PHC2: variants seen among roughly 807,000 people sequenced by gnomAD.
PHC2 encodes polyhomeotic-like protein 2.
Under a neutral mutation model 87.4 loss-of-function variants are expected in PHC2, and 29 were observed. The observed-to-expected ratio is 0.33, with a 90% CI of 0.25 to 0.45. The LOEUF is 0.45. Among genes scored for constraint, PHC2 ranks in the 20% least tolerant of loss-of-function variants. PHC2 has a pLI of 1.00. For synonymous variants in PHC2, 438 were observed against 461.7 expected (o/e 0.95, Z 0.66); for missense variants, 857 against 1,136.7 (o/e 0.75, Z 3.54).
At chr1:33,395,864 C>T (rs1649272061) in intron 1 of PHC2, among the ~76,000 whole-genome samples, 1 of 152,150 alleles carries the variant, frequency 6.6e-6, no homozygotes, top group African/African-American at 2.4e-5. Context: ...CACACCTCTC[C>T]CCTCTCCTCC....
intron 9 of PHC2, among the ~76,000 whole-genome samples, chr1:33,344,847 G>A (rs1646816785): frequency 1.3e-5 from 2 of 151,962 alleles, no homozygotes; most frequent in Non-Finnish European, 2.9e-5. Flanking sequence ...GCGCTCAAGT[G>A]ATCCTCCTGC....
At chr1:33,400,301 C>T (rs911903068) in intron 1 of PHC2, among the ~76,000 whole-genome samples, 4 of 152,134 alleles carry the variant, frequency 2.6e-5, no homozygotes, top group African/African-American at 9.7e-5. Flanking sequence ...GATACACATC[C>T]CCCAAGTTAT....
chr1:33,365,008 G>A (rs1016485356), intron 7 of PHC2, among the ~76,000 whole-genome samples: 5 of 152,216 alleles, frequency 3.3e-5, no homozygotes, highest in Non-Finnish European at 7.3e-5. Context: ...AAAGGCTGAG[G>A]AGGCCCCAGA....
At chr1:33,423,112 T>G (rs72660106) in intron 1 of PHC2, among the ~76,000 whole-genome samples, 15,195 of 152,106 alleles carry the variant, frequency 0.1, 1,048 homozygotes, top group East Asian at 0.28. Context: ...AACCCCAGCA[T>G]TATGGCTCTA....
Position 33,368,770 on chromosome 1 carries a change from G to T in PHC2, c.577-148C>A. The T allele has an allele frequency of 1.5e-6, 1 of 677,556 alleles. No individual in the cohort carries two copies. Among genetic ancestry groups the T allele is most frequent in the South Asian group, 1.7e-5 (1 of 60,096 alleles). 42.0% of individuals were successfully genotyped at this position (677,556 alleles called of 1,614,324 possible). ...GACACAACTGTTTAGCCCAGGAGCG[G>T]CTATGAGGAAGGGCAGGACAGTAGA... On this transcript the variant is annotated intron_variant, in intron 5 of 14. Transcript: ENST00000683057. This position sits in a 1 kb window ranked among gnomAD's most constrained non-coding sequence, Gnocchi z 6.6.
At chr1:33,390,001 G>A (rs1648969124) in intron 1 of PHC2, among the ~76,000 whole-genome samples, 1 of 152,074 alleles carries the variant, frequency 6.6e-6, no homozygotes, top group Non-Finnish European at 1.5e-5. Context: ...GCAGAACTAG[G>A]ACTACAGAGT....
intron 1 of PHC2, among the ~76,000 whole-genome samples, chr1:33,430,161 G>T (rs528276503): frequency 1.3e-5 from 2 of 152,284 alleles, no homozygotes; most frequent in East Asian, 3.9e-4. Context: ...CGCCTTATAA[G>T]AAATTTGTTA....
At chr1:33,397,359 T>C (rs1193483897) in intron 1 of PHC2, among the ~76,000 whole-genome samples, 3 of 152,182 alleles carry the variant, frequency 2.0e-5, no homozygotes, top group African/African-American at 7.2e-5. Flanking sequence ...AAATGCAGAA[T>C]CTTGGGCCCC....
At chr1:33,346,505 T>A (rs1570466575) in intron 9 of PHC2, 2 of 985,366 alleles carry the variant, frequency 2.0e-6, no homozygotes, top group Non-Finnish European at 2.4e-6. Context: ...TGGAACTAAA[T>A]CTGTCTGGAG....
Position 33,368,710 on chromosome 1 carries a change from C to G in PHC2, c.577-88G>C, listed in dbSNP as rs544571784. 52 of 916,830 alleles carry G rather than the reference C, an allele frequency of 5.7e-5. No homozygotes were observed. The South Asian group carries it at 7.1e-4, about 13-fold the overall frequency. 56.8% of individuals were successfully genotyped at this position (916,830 alleles called of 1,614,324 possible). A position where few individuals can be genotyped will look rare whatever the true frequency, so the allele number is the denominator to read the frequency against. The stretch of plus-strand genomic sequence containing the variant: ...GGGCCTGGAATCACAGGAAACGAGG[C>G]GCCTTTTACCTGCTCGATGTGGACT... On this transcript the variant is annotated intron_variant, in intron 5 of 14. Coordinates refer to ENST00000683057, the MANE Select transcript of PHC2 (RefSeq NM_001385109.1). The surrounding 1 kb of genome is among the most constrained non-coding windows in gnomAD (Gnocchi z 6.6).
Position 33,334,243 on chromosome 1 carries a change from G to T in PHC2, c.1608C>A (p.Gly536=), listed in dbSNP as rs757395991. Residue 536 remains glycine, a synonymous_variant, in exon 10 of 15, where the codon GGC becomes GGA. Transcript: ENST00000683057. The surrounding 1 kb of genome is among the most constrained non-coding windows in gnomAD (Gnocchi z 5.5). The part of the protein sequence containing the change: ...VHALTDLSSP[G]MTSGNGNSAS... Reference sequence around the variant, plus strand: ...CAGAGTTTCCGTTCCCTGAGGTCATGCCGGGGCTGCTGAGGTCGGTCAGTG... The same window carrying T: ...CAGAGTTTCCGTTCCCTGAGGTCATTCCGGGGCTGCTGAGGTCGGTCAGTG... 1 of 1,612,204 alleles carries T rather than the reference G, an allele frequency of 6.2e-7. No individual in the cohort carries two copies. The highest frequency in any genetic ancestry group is 2.2e-5 in the East Asian group (1 of 44,868).
In PHC2 at chr1:33,368,522, C is replaced by T. The variant is rs1476021379; in HGVS notation, c.663+14G>A. 1 of 1,428,098 alleles carries T rather than the reference C, an allele frequency of 7.0e-7. No homozygotes were observed. The highest frequency in any genetic ancestry group is 9.6e-7 in the Non-Finnish European group (1 of 1,045,524). 88.5% of individuals were successfully genotyped at this position (1,428,098 alleles called of 1,614,324 possible). On this transcript the variant is annotated intron_variant, in intron 6 of 14. Coordinates refer to ENST00000683057, the MANE Select transcript of PHC2 (RefSeq NM_001385109.1). The surrounding 1 kb of genome is among the most constrained non-coding windows in gnomAD (Gnocchi z 6.6). ...GCCCACCCCCCTGCCCTCCCACAAG[C>T]ATGGAGTCCTCACCTGGGCGGGGGT...
chr1:33,424,553 C>A (rs982489017), intron 1 of PHC2, among the ~76,000 whole-genome samples: 1 of 152,196 alleles, frequency 6.6e-6, no homozygotes. Context: ...ACAAGTTAAT[C>A]ATTCTAATAG....
chr1:33,429,412 CT>C (rs1650810383), intron 1 of PHC2, among the ~76,000 whole-genome samples: 1 of 152,222 alleles, frequency 6.6e-6, no homozygotes, highest in Non-Finnish European at 1.5e-5. Flanking sequence ...ATAACATATT[CT>C]TTATGTGGCT....
chr1:33,339,823 G>C (rs531885249), intron 9 of PHC2, among the ~76,000 whole-genome samples: 1 of 152,320 alleles, frequency 6.6e-6, no homozygotes, highest in Middle Eastern at 3.4e-3. Context: ...TCAGGTTTTA[G>C]AATATTTGCA....
At chr1:33,328,732 C>G in intron 14 of PHC2, 138 bp downstream of exon 14, 5 of 711,190 alleles carry the variant, frequency 7.0e-6, no homozygotes, top group South Asian at 5.6e-5. Context: ...GCAGGGAGCT[C>G]ATCTCACTCA....
intron 1 of PHC2, among the ~76,000 whole-genome samples, chr1:33,398,569 T>A (rs1649388619): frequency 6.6e-6 from 1 of 152,228 alleles, no homozygotes; most frequent in Admixed American, 6.5e-5. Context: ...TCTTAAAGTA[T>A]CTGGGCTTCA....
chr1:33,330,605 G>A (rs1306651470), intron 12 of PHC2, among the ~76,000 whole-genome samples: 4 of 152,202 alleles, frequency 2.6e-5, no homozygotes, highest in African/African-American at 7.2e-5. Context: ...AACAGCCTGA[G>A]GGGAATGAGG....
chr1:33,409,312 T>C (rs184264501), intron 1 of PHC2, among the ~76,000 whole-genome samples: 1 of 152,308 alleles, frequency 6.6e-6, no homozygotes, highest in African/African-American at 2.4e-5. Context: ...TGTACTTTCA[T>C]ATAATAGAAT....
Sources: gnomAD v4.1 joint callset for allele counts (sites outside exome capture counted in the v4.1 genomes callset) on GRCh38, gnomAD v4.1.1 for gene constraint, Gnocchi (gnomAD v3.1) non-coding constraint, MANE v1.5 for transcripts, NCBI Gene and HGNC (gene_info 2026-07-23, HGNC 2026-07-21) for gene names.